Variants in ARHGAP22 observed in about 807,000 individuals in gnomAD.
The protein encoded by ARHGAP22 is Rho GTPase activating protein 22.
A neutral mutation model predicts 59.1 loss-of-function variants in ARHGAP22; 48 were observed. The observed-to-expected ratio is 0.81, with a 90% CI of 0.64 to 1.03. ARHGAP22 has a LOEUF of 1.03. ARHGAP22 is among the 50% of genes least tolerant of loss of function. The pLI, the probability that ARHGAP22 is intolerant of heterozygous loss-of-function variation, is 0.00. For missense variants in ARHGAP22, 1,015 were observed against 958.7 expected, an observed-to-expected ratio of 1.06 and a Z score of -0.78; for synonymous variants, 445 against 416.4, an observed-to-expected ratio of 1.07 and a Z score of -0.84.
chr10:48,596,394 GGA>G lies in ARHGAP22; in HGVS notation c.34+8367_34+8368del, dbSNP rs551021637. On this transcript the variant is annotated intron_variant, in intron 1 of 9. Transcript: ENST00000249601. ...TTGCTGTCATCTATAAAGGGAGAGG[GGA>G]GTGTGAAGGCAGCAGCAGTGAGACA... Among the ~76,000 whole-genome samples the G allele has an allele frequency of 1.1e-3, 171 of 152,294 alleles. 2 individuals are homozygous for G. The highest frequency in any genetic ancestry group is 3.9e-3 in the African/African-American group (163 of 41,558).
intron 3 of ARHGAP22, among the ~76,000 whole-genome samples, chr10:48,510,027 G>A (rs1431636050): frequency 6.6e-6 from 1 of 152,170 alleles, no homozygotes; most frequent in Non-Finnish European, 1.5e-5. Context: ...TTCAAACATA[G>A]CTTCACCAGC....
chr10:48,621,322 A>G (rs1021888592), intron 1 of ARHGAP22, among the ~76,000 whole-genome samples: 1 of 152,146 alleles, frequency 6.6e-6, no homozygotes, highest in African/African-American at 2.4e-5. Context: ...ACATGTTGTC[A>G]TCTCTGTCAT....
chr10:48,434,208 T>A, the ARHGAP22 span, among the ~76,000 whole-genome samples: 1 of 152,230 alleles, frequency 6.6e-6, no homozygotes, highest in Non-Finnish European at 1.5e-5. Flanking sequence ...ATATTTCTGC[T>A]TATCAAGTAT....
chr10:48,461,945 C>T (rs190338468), intron 4 of ARHGAP22, among the ~76,000 whole-genome samples: 255 of 152,324 alleles, frequency 1.7e-3, no homozygotes, highest in African/African-American at 5.8e-3. Flanking sequence ...ATACATCGGT[C>T]CCTGATACAG....
At chr10:48,602,432 T>C (rs1018063272) in intron 1 of ARHGAP22, among the ~76,000 whole-genome samples, 27 of 152,158 alleles carry the variant, frequency 1.8e-4, no homozygotes, top group African/African-American at 6.5e-4. Flanking sequence ...GGAAAATATA[T>C]ACGAGTTAAA....
intron 3 of ARHGAP22, among the ~76,000 whole-genome samples, chr10:48,521,639 C>T (rs1347424715): frequency 6.6e-6 from 1 of 152,196 alleles, no homozygotes; most frequent in African/African-American, 2.4e-5. Flanking sequence ...ATACACATCT[C>T]TAGGCTAGAG....
intron 3 of ARHGAP22, chr10:48,493,682 G>T: frequency 7.2e-7 from 1 of 1,391,916 alleles, no homozygotes; most frequent in Non-Finnish European, 9.3e-7. Flanking sequence ...ATTTATCAGT[G>T]CCCGAAGGCT....
At chr10:48,552,821 T>G (rs571076887) in intron 3 of ARHGAP22, among the ~76,000 whole-genome samples, 1 of 152,192 alleles carries the variant, frequency 6.6e-6, no homozygotes, top group East Asian at 1.9e-4. Flanking sequence ...AATCTTCTTA[T>G]TCGTTTTTAG....
intron 2 of ARHGAP22, among the ~76,000 whole-genome samples, chr10:48,572,495 C>A (rs2058459898): frequency 6.6e-6 from 1 of 152,224 alleles, no homozygotes; most frequent in Admixed American, 6.5e-5. Context: ...CATGTCCCTG[C>A]TTCACCTATT....
chr10:48,579,612 T>C (rs1173861369), intron 2 of ARHGAP22, among the ~76,000 whole-genome samples: 3 of 152,158 alleles, frequency 2.0e-5, no homozygotes, highest in Non-Finnish European at 4.4e-5. Context: ...GCCAGCAAGA[T>C]GGGGAGAGGG....
chr10:48,564,703 G>T (rs2057936901), intron 2 of ARHGAP22, among the ~76,000 whole-genome samples: 2 of 152,334 alleles, frequency 1.3e-5, no homozygotes, highest in South Asian at 4.1e-4. Context: ...CTGCAGCCCA[G>T]AATGCCCATC....
chr10:48,472,406 C>T (rs778557098), intron 4 of ARHGAP22, among the ~76,000 whole-genome samples: 1 of 152,002 alleles, frequency 6.6e-6, no homozygotes, highest in African/African-American at 2.4e-5. Flanking sequence ...TGCCTGTAAT[C>T]CCAGCTACTC....
chr10:48,605,190 G>A, upstream of ARHGAP22: 2 of 1,093,054 alleles, frequency 1.8e-6, no homozygotes, highest in Non-Finnish European at 2.2e-6. Flanking sequence ...GCGGGGCGCG[G>A]TCCTGGCCCG....
At chr10:48,615,522 A>G (rs1427987784) in intron 1 of ARHGAP22, among the ~76,000 whole-genome samples, 1 of 152,238 alleles carries the variant, frequency 6.6e-6, no homozygotes, top group Non-Finnish European at 1.5e-5. Context: ...TACAATTCAA[A>G]GTGTCCAGTT....
intron 3 of ARHGAP22, among the ~76,000 whole-genome samples, chr10:48,533,390 C>T (rs1295409880): frequency 6.6e-6 from 1 of 152,012 alleles, no homozygotes; most frequent in African/African-American, 2.4e-5. Context: ...AATTTAAAGC[C>T]TGGCTTTGGC....
At chr10:48,459,260 A>C (rs1461524584) in intron 5 of ARHGAP22, among the ~76,000 whole-genome samples, 1 of 152,116 alleles carries the variant, frequency 6.6e-6, no homozygotes, top group Non-Finnish European at 1.5e-5. Flanking sequence ...ACCCAAAAGG[A>C]GGGGAGCCGA....
At chr10:48,605,996 C>T (rs1479253840), upstream of ARHGAP22, among the ~76,000 whole-genome samples, 3 of 152,154 alleles carry the variant, frequency 2.0e-5, no homozygotes, top group Non-Finnish European at 2.9e-5. Flanking sequence ...CTTGAGCCCC[C>T]GATGAACTTG....
chr10:48,609,094 ATGTCT>A (rs1223202427), upstream of ARHGAP22, among the ~76,000 whole-genome samples: 1 of 152,084 alleles, frequency 6.6e-6, no homozygotes, highest in African/African-American at 2.4e-5. Context: ...CAGAGCTTAG[ATGTCT>A]TGTTTTGTTT....
At chr10:48,613,167 T>C (rs148949919) in intron 1 of ARHGAP22, among the ~76,000 whole-genome samples, 1 of 152,328 alleles carries the variant, frequency 6.6e-6, no homozygotes, top group East Asian at 1.9e-4. Flanking sequence ...CCTCAGTGAC[T>C]CTTCTTTTAA....
Sources: gnomAD v4.1 joint callset for allele counts (sites outside exome capture counted in the v4.1 genomes callset) on GRCh38, gnomAD v4.1.1 for gene constraint, MANE v1.5 for transcripts, NCBI Gene and HGNC (gene_info 2026-07-23, HGNC 2026-07-21) for gene names.